The following COL27A1 variants were observed in gnomAD, a reference collection of about 807,000 sequenced individuals.
The protein encoded by COL27A1 is collagen type XXVII alpha 1 chain, also known as collagen alpha-1(XXVII) chain.
Under a neutral mutation model 251.3 loss-of-function variants are expected in COL27A1, and 106 were observed. The observed-to-expected ratio is 0.42, with a 90% CI of 0.36 to 0.50. COL27A1 has a LOEUF of 0.50. Among genes scored for constraint, COL27A1 ranks in the 20% least tolerant of loss-of-function variants. The probability of loss-of-function intolerance (pLI) is 0.00; values close to 1 mark genes in which losing one functional copy is unlikely to be tolerated. For synonymous variants in COL27A1, 1,000 were observed against 986.3 expected, an observed-to-expected ratio of 1.01 and a Z score of -0.26; for missense variants, 2,325 against 2,522.8, an observed-to-expected ratio of 0.92 and a Z score of 1.68.
At chr9:114,267,311 C>T (rs2135607736) in intron 33 of COL27A1, among the ~76,000 whole-genome samples, 193 bp from the exon 34 acceptor site, 1 of 152,258 alleles carries the variant, frequency 6.6e-6, no homozygotes, top group Non-Finnish European at 1.5e-5. Context: ...AAAGCTCAGC[C>T]AGCCTGGGCC....
intron 48 of COL27A1, 41 bp from the exon 49 acceptor site, chr9:114,292,062 C>G: frequency 6.5e-7 from 1 of 1,528,518 alleles, no homozygotes; most frequent in Non-Finnish European, 8.9e-7. Context: ...CTTAGAACCC[C>G]TTCCCACTTT....
chr9:114,245,914 A>G lies in COL27A1; in HGVS notation c.2979+4A>G, dbSNP rs370903413. 122 of 1,612,830 alleles carry G rather than the reference A, an allele frequency of 7.6e-5. No individual in the cohort carries two copies. Among genetic ancestry groups the G allele is most frequent in the Non-Finnish European group, 1.0e-4 (120 of 1,179,390 alleles). The stretch of plus-strand genomic sequence containing the variant: ...GCCGGGGCCTGTGGGAGAGCAGGTT[A>G]GTTAGCAACGGTCTCTGAATGAGTG... On this transcript the variant is annotated splice_donor_region_variant and intron_variant, in intron 24 of 60. Coordinates refer to ENST00000356083, the MANE Select transcript of COL27A1 (RefSeq NM_032888.4).
At position 114,292,130 on chromosome 9, in the gene COL27A1, G is replaced by C. The variant is rs181635219; in HGVS notation, c.4504G>C (p.Gly1502Arg). Residue 1502 changes from glycine (G) to arginine (R), a missense_variant, in exon 49 of 61, where the codon GGT becomes CGT. Gly to Arg is a moderately radical substitution (Grantham distance 125). Around this residue, in one of 4 missense-constraint regions of COL27A1, gnomAD observed 153 missense variants for 140.7 expected, o/e 1.09. Coordinates refer to ENST00000356083, the MANE Select transcript of COL27A1 (RefSeq NM_032888.4). The part of the protein sequence containing the change: ...KGESGLPGQL[G>R]PPGKRGTEGR... ...TGAGAGTGGGTTACCCGGACAGCTG[G>C]GTCCCCCTGGCAAGCGAGGAACAGA... The C allele has an allele frequency of 1.3e-6, 2 of 1,559,708 alleles. No individual in the cohort carries two copies. Among genetic ancestry groups the C allele is most frequent in the East Asian group, 4.8e-5 (2 of 41,580 alleles).
Position 114,233,915 on chromosome 9 carries a change from C to T in COL27A1, c.2566-1684C>T, listed in dbSNP as rs1428518918. 3.3e-5 allele frequency among the ~76,000 whole-genome samples: 5 copies of T among 152,126 alleles called. No homozygotes were observed. The East Asian group carries it at 9.6e-4, about 29-fold the overall frequency. ...AGCCTTAAGGCTGTGTTCCGATCAG[C>T]CACGCACACATCCGTGTCCCCTGGC... On this transcript the variant is annotated intron_variant, in intron 16 of 60. Coordinates refer to ENST00000356083, the MANE Select transcript of COL27A1 (RefSeq NM_032888.4).
chr9:114,261,667 A>G (rs1834348265), intron 28 of COL27A1, among the ~76,000 whole-genome samples: 1 of 152,246 alleles, frequency 6.6e-6, no homozygotes, highest in African/African-American at 2.4e-5. Flanking sequence ...CCCAGTGTGC[A>G]GCCTTCCTGG....
chr9:114,267,118 G>T (rs924334399), intron 33 of COL27A1, among the ~76,000 whole-genome samples: 1 of 152,198 alleles, frequency 6.6e-6, no homozygotes, highest in Non-Finnish European at 1.5e-5. Context: ...CCCGCCTCAC[G>T]CTGGCTAAGC....
In COL27A1 at chr9:114,288,762, A is replaced by C. The variant is rs555349868; in HGVS notation, c.4098+7A>C. 1 of 1,609,512 alleles carries C rather than the reference A, an allele frequency of 6.2e-7. No homozygotes were observed. Among genetic ancestry groups the C allele is most frequent in the South Asian group, 1.1e-5 (1 of 90,940 alleles). ...GGGAGACCCTGGGTACCCTGTAAGTATCAGAGCTCCTACCTGCTGGCAGGA... is the reference window on the plus strand; with the variant it reads ...GGGAGACCCTGGGTACCCTGTAAGTCTCAGAGCTCCTACCTGCTGGCAGGA... On this transcript the variant is annotated splice_region_variant and intron_variant, in intron 43 of 60. Coordinates refer to ENST00000356083, the MANE Select transcript of COL27A1 (RefSeq NM_032888.4).
At chr9:114,304,817 A>C in intron 57 of COL27A1, 144 bp downstream of exon 57, 1 of 699,760 alleles carries the variant, frequency 1.4e-6, no homozygotes, top group Non-Finnish European at 2.4e-6. Context: ...GCATCCACAA[A>C]TGGGGGTTTG....
Position 114,218,113 on chromosome 9 carries a change from A to G in COL27A1, c.2368-1678A>G. The stretch of plus-strand genomic sequence containing the variant: ...CAGAGTGAGACCCTGTATCATGAAA[A>G]AAAAAGAAGGATCCCCTGGACACAG... On this transcript the variant is annotated intron_variant, in intron 12 of 60. Transcript: ENST00000356083. 2.4e-5 allele frequency: 6 copies of G among 250,008 alleles called. 1 individual carries two copies. The highest frequency in any genetic ancestry group is 4.0e-5 in the Non-Finnish European group (5 of 126,278). 15.5% of individuals were successfully genotyped at this position (250,008 alleles called of 1,614,324 possible).
At chr9:114,177,355 G>A (rs1270510992) in intron 3 of COL27A1, among the ~76,000 whole-genome samples, 1 of 152,182 alleles carries the variant, frequency 6.6e-6, no homozygotes, top group Non-Finnish European at 1.5e-5. Flanking sequence ...TCACTTGTGG[G>A]AAATGGGGAG....
At chr9:114,264,302 G>A (rs1284645189) in intron 28 of COL27A1, 53 bp from the exon 29 acceptor site, 14 of 1,451,618 alleles carry the variant, frequency 9.6e-6, no homozygotes, top group South Asian at 9.5e-5. Flanking sequence ...CTGGTTCTCC[G>A]CCCGAGGGAG....
chr9:114,182,900 G>A (rs1828041699), intron 4 of COL27A1, 122 bp from the exon 5 acceptor site: 1 of 846,976 alleles, frequency 1.2e-6, no homozygotes, highest in Non-Finnish European at 2.0e-6. Flanking sequence ...GTGTTGCTAG[G>A]GCTTGGCTTG....
intron 42 of COL27A1, 74 bp downstream of exon 42, chr9:114,288,585 T>G (rs1827678550): frequency 6.5e-7 from 1 of 1,546,058 alleles, no homozygotes; most frequent in African/African-American, 1.4e-5. Context: ...TGGAGAGGGG[T>G]GGGCCGATCA....
chr9:114,171,023 G>A lies in COL27A1; in HGVS notation c.1908+1560G>A, dbSNP rs182091782. ...AAGAATTTGTGTGGTGTGGAGAGAGGAGCGGAGCTGGCCCAGGGCAGATTC... is the reference window on the plus strand; with the variant it reads ...AAGAATTTGTGTGGTGTGGAGAGAGAAGCGGAGCTGGCCCAGGGCAGATTC... On this transcript the variant is annotated intron_variant, in intron 3 of 60. Transcript: ENST00000356083. 2.4e-3 allele frequency among the ~76,000 whole-genome samples: 369 copies of A among 152,374 alleles called. 1 individual carries two copies. The highest frequency in any genetic ancestry group is 8.6e-3 in the African/African-American group (359 of 41,594).
chr9:114,196,102 C>A (rs1468330563), intron 7 of COL27A1, 90 bp downstream of exon 7: 8 of 1,124,464 alleles, frequency 7.1e-6, no homozygotes, highest in Non-Finnish European at 1.1e-5. Context: ...CCACCTGCCT[C>A]TCCCCAGCCC....
chr9:114,186,366 A>G (rs556595804), intron 5 of COL27A1, among the ~76,000 whole-genome samples: 178 of 152,344 alleles, frequency 1.2e-3, no homozygotes, highest in African/African-American at 4.1e-3. Context: ...TGCATGTGTG[A>G]GGCACTGGGG....
At chr9:114,267,775 C>T (rs1217785733) in intron 34 of COL27A1, among the ~76,000 whole-genome samples, 2 of 152,154 alleles carry the variant, frequency 1.3e-5, no homozygotes, top group Admixed American at 6.5e-5. Flanking sequence ...GGCACCTGCC[C>T]CTGCCTCTAT....
At chr9:114,166,262 TCCATCCATCCAC>T (rs1467708868) in intron 2 of COL27A1, among the ~76,000 whole-genome samples, 1,774 of 138,664 alleles carry the variant, frequency 0.013, 34 homozygotes, top group African/African-American at 0.045. Context: ...CATCTGTCCA[TCCATCCATCCAC>T]CCATCCATCC....
intron 2 of COL27A1, among the ~76,000 whole-genome samples, chr9:114,163,009 G>A (rs964135163): frequency 1.3e-5 from 2 of 152,106 alleles, no homozygotes; most frequent in Admixed American, 1.3e-4. Flanking sequence ...GCCGAGGTGG[G>A]TGGATCACGA....
Sources: gnomAD v4.1 joint callset for allele counts (sites outside exome capture counted in the v4.1 genomes callset) on GRCh38, gnomAD v4.1.1 for gene constraint, gnomAD v4.1.1 regional missense constraint, MANE v1.5 for transcripts, NCBI Gene and HGNC (gene_info 2026-07-23, HGNC 2026-07-21) for gene names.